NBEA: variants seen among roughly 807,000 people sequenced by gnomAD.
NBEA encodes neurobeachin.
Under a neutral mutation model 343.4 loss-of-function variants are expected in NBEA, and 44 were observed. The observed-to-expected ratio is 0.13, with a 90% CI of 0.10 to 0.16. NBEA has a LOEUF of 0.16. Ranked by LOEUF, NBEA falls within the 10% of genes least tolerant of loss-of-function variation. The pLI is 1.00. For missense variants in NBEA, 2,555 were observed against 3,631.3 expected (o/e 0.70, Z 7.62); for synonymous variants, 1,175 against 1,238.7 (o/e 0.95, Z 1.08).
chr13:35,477,728 A>ATTTT (rs1197993255), intron 41 of NBEA, among the ~76,000 whole-genome samples: 1 of 152,186 alleles, frequency 6.6e-6, no homozygotes, highest in African/African-American at 2.4e-5. Context: ...ATTTTATACT[A>ATTTT]TTTCGTGTGA....
At chr13:35,356,088 T>TAAATTAATGA (rs1157839371) in intron 38 of NBEA, among the ~76,000 whole-genome samples, 1 of 152,136 alleles carries the variant, frequency 6.6e-6, no homozygotes, top group Non-Finnish European at 1.5e-5. Flanking sequence ...AATTTGTGAA[T>TAAATTAATGA]AAATTAATGA....
At chr13:35,304,357 GTA>G (rs1037806783) in intron 35 of NBEA, among the ~76,000 whole-genome samples, 3 of 150,954 alleles carry the variant, frequency 2.0e-5, no homozygotes, top group African/African-American at 7.4e-5. Context: ...GTGTGTGTGT[GTA>G]TATCTGTGTG....
chr13:35,077,182 TG>T (rs1437004463), intron 10 of NBEA, among the ~76,000 whole-genome samples: 2 of 152,130 alleles, frequency 1.3e-5, no homozygotes, highest in Non-Finnish European at 2.9e-5. Context: ...TATTGGTTTT[TG>T]TTTCTAATTC....
intron 38 of NBEA, among the ~76,000 whole-genome samples, chr13:35,427,080 T>A (rs1214477415): frequency 6.6e-6 from 1 of 152,202 alleles, no homozygotes; most frequent in Non-Finnish European, 1.5e-5. Flanking sequence ...TGGTTAGAAC[T>A]TCCTCCTGTA....
At chr13:35,095,638 T>C (rs1238484560) in intron 10 of NBEA, among the ~76,000 whole-genome samples, 1 of 151,924 alleles carries the variant, frequency 6.6e-6, no homozygotes, top group Non-Finnish European at 1.5e-5. Context: ...CTTAAAAAGA[T>C]ACAGGATTAC....
chr13:35,271,423 A>G (rs2034139392), intron 34 of NBEA, among the ~76,000 whole-genome samples: 1 of 152,228 alleles, frequency 6.6e-6, no homozygotes, highest in South Asian at 2.1e-4. Flanking sequence ...AAGGGCTGAA[A>G]ATTCCAAAAA....
chr13:35,164,331 C>A, intron 23 of NBEA, 25 bp from the exon 24 acceptor site: 1 of 1,548,034 alleles, frequency 6.5e-7, no homozygotes, highest in Non-Finnish European at 8.7e-7. Flanking sequence ...CCAAAACATA[C>A]TCATTTCTGT....
chr13:35,435,552 G>T (rs140921004), intron 39 of NBEA, among the ~76,000 whole-genome samples: 18 of 150,472 alleles, frequency 1.2e-4, no homozygotes, highest in Non-Finnish European at 2.2e-4. Flanking sequence ...GGAGTGGGGT[G>T]GGGGGGGCGT....
At chr13:34,968,463 A>C (rs1738839662) in intron 1 of NBEA, among the ~76,000 whole-genome samples, 1 of 152,118 alleles carries the variant, frequency 6.6e-6, no homozygotes, top group Non-Finnish European at 1.5e-5. Context: ...AGCAAAGGAC[A>C]CTCTTATCAC....
At position 35,611,240 on chromosome 13, in the gene NBEA, G is replaced by A. The variant is rs1196669210; in HGVS notation, c.7449+4662G>A. On this transcript the variant is annotated intron_variant, in intron 48 of 58. Coordinates refer to ENST00000379939, the MANE Select transcript of NBEA (RefSeq NM_001385012.1). ...TACAAGTACATCAATGTTTATAATG[G>A]CTTTATTTGCTTTCATCAAAAGCTG... Among the ~76,000 whole-genome samples, 8 of 152,184 alleles carry A rather than the reference G, an allele frequency of 5.3e-5. No individual in the cohort carries two copies. In the East Asian group the frequency reaches 1.5e-3, roughly 29 times the overall value.
chr13:35,593,077 G>A, intron 46 of NBEA: 2 of 375,768 alleles, frequency 5.3e-6, no homozygotes, highest in South Asian at 1.2e-4. Flanking sequence ...GTAGAGCACT[G>A]GAACCCCATC....
chr13:35,133,370 T>A (rs2067532850), intron 17 of NBEA, among the ~76,000 whole-genome samples: 1 of 152,082 alleles, frequency 6.6e-6, no homozygotes, highest in South Asian at 2.1e-4. Context: ...AGGATGTACA[T>A]CAGTGGTAAC....
At chr13:35,070,992 G>A in intron 10 of NBEA, 140 bp downstream of exon 10, 1 of 800,244 alleles carries the variant, frequency 1.2e-6, no homozygotes, top group East Asian at 3.2e-5. Flanking sequence ...TAGAACTAAT[G>A]GAGATAGATA....
intron 46 of NBEA, chr13:35,593,097 A>T: frequency 2.5e-6 from 1 of 401,792 alleles, no homozygotes; most frequent in Non-Finnish European, 4.5e-6. Flanking sequence ...CATTTCACAG[A>T]TGAGAAGACC....
chr13:35,303,190 G>T (rs1401927401), intron 35 of NBEA, among the ~76,000 whole-genome samples: 1 of 151,858 alleles, frequency 6.6e-6, no homozygotes, highest in Non-Finnish European at 1.5e-5. Flanking sequence ...TGTCTTCATG[G>T]AAAATGAGAA....
At chr13:35,078,787 G>A (rs1593269904) in intron 10 of NBEA, among the ~76,000 whole-genome samples, 1 of 152,102 alleles carries the variant, frequency 6.6e-6, no homozygotes, top group East Asian at 1.9e-4. Context: ...ACTTTGAGAG[G>A]CCCAGGCGGG....
intron 38 of NBEA, among the ~76,000 whole-genome samples, chr13:35,373,905 T>TATAA (rs1457938118): frequency 5.9e-5 from 9 of 152,200 alleles, no homozygotes; most frequent in African/African-American, 1.9e-4. Flanking sequence ...AAAACCCATG[T>TATAA]ATAAGTGAAT....
intron 33 of NBEA, among the ~76,000 whole-genome samples, chr13:35,220,714 A>G (rs986184525): frequency 1.3e-5 from 2 of 152,000 alleles, no homozygotes; most frequent in African/African-American, 2.4e-5. Context: ...CTTTGTATTT[A>G]TCCTGCTTAA....
intron 34 of NBEA, among the ~76,000 whole-genome samples, chr13:35,274,404 A>G (rs1312180000): frequency 6.6e-6 from 1 of 152,232 alleles, no homozygotes; most frequent in African/African-American, 2.4e-5. Context: ...GATAGCTAAT[A>G]TCATACTGAA....
Sources: allele counts gnomAD v4.1 joint callset (sites outside exome capture counted in the v4.1 genomes callset), GRCh38; gene constraint gnomAD v4.1.1; transcripts MANE v1.5; gene names NCBI Gene and HGNC (gene_info 2026-07-23, HGNC 2026-07-21).